The following OR5AN1 variants were observed in gnomAD, a reference collection of about 807,000 sequenced individuals.
OR5AN1 encodes the protein olfactory receptor 5AN1.
For synonymous variants in OR5AN1, 167 were observed against 131.8 expected (o/e 1.27, Z -1.83); for missense variants, 476 against 368.9 (o/e 1.29, Z -2.38).
chr11:59,361,898 A>G (rs899102769), intron 1 of OR5AN1, among the ~76,000 whole-genome samples: 1 of 152,132 alleles, frequency 6.6e-6, no homozygotes, highest in African/African-American at 2.4e-5. Context: ...GAATACAGAT[A>G]AGTATAAAGA....
chr11:59,364,908 C>T lies in OR5AN1; in HGVS notation c.450C>T (p.Tyr150=), dbSNP rs1267279762. ...GTGTTTGGATGGTACTGGGAGCCTA[C>T]ATGACTGGCCTCACTGCTTCTTTAT... is the stretch of plus-strand genomic sequence containing the variant. ...TLCVWMVLGA[Y]MTGLTASLFQ... Residue 150 remains tyrosine, a synonymous_variant, in exon 2 of 2, where the codon TAC becomes TAT. Transcript: ENST00000641998. 2 of 1,613,974 alleles carry T rather than the reference C, an allele frequency of 1.2e-6. No homozygotes were observed. Among genetic ancestry groups the T allele is most frequent in the African/African-American group, 2.7e-5 (2 of 74,940 alleles).
intron 1 of OR5AN1, among the ~76,000 whole-genome samples, chr11:59,364,047 G>A (rs1365757581): frequency 5.3e-5 from 8 of 152,166 alleles, no homozygotes; most frequent in Non-Finnish European, 1.2e-4. Flanking sequence ...ACAGGCATGA[G>A]CCACTACGCC....
rs1857500287 is a variant in OR5AN1 at position 59,364,504 on chromosome 11, C to T, written c.46C>T (p.Leu16=). The T allele has an allele frequency of 6.2e-7, 1 of 1,613,542 alleles. No homozygotes were observed. The change falls in exon 2 of 2, where the codon CTG becomes TTG. Residue 16 remains leucine (L), a synonymous_variant. Transcript: ENST00000641998. ...TACAGAAATCACCTATTTCATCCTGCTGGGATTCTCAGATTTTCCCAGGAT... is the reference window on the plus strand; with the variant it reads ...TACAGAAATCACCTATTTCATCCTGTTGGGATTCTCAGATTTTCCCAGGAT... ...NITEITYFIL[L]GFSDFPRIIK...
In OR5AN1 at chr11:59,365,678, A is replaced by T; in HGVS notation, c.*284A>T. The T allele has an allele frequency of 9.8e-6, 3 of 305,390 alleles. No individual in the cohort carries two copies. The highest frequency in any genetic ancestry group is 1.8e-5 in the Non-Finnish European group (3 of 166,528). The allele number at this position is 305,390 out of a possible 1,614,324, so 18.9% of individuals were successfully genotyped here. On this transcript the variant is annotated 3_prime_UTR_variant, in exon 2 of 2. Coordinates refer to ENST00000641998, the MANE Select transcript of OR5AN1 (RefSeq NM_001004729.2). ...TTTGTCCAAAATTATTTGTGAAACA[A>T]CAAGATTTAGAAATCTTTTGTTTCC...
At chr11:59,361,239 A>T (rs1252531130) in intron 1 of OR5AN1, among the ~76,000 whole-genome samples, 2 of 152,202 alleles carry the variant, frequency 1.3e-5, no homozygotes, top group African/African-American at 4.8e-5. Flanking sequence ...TTAAGAGAGA[A>T]GTGATGATGG....
At position 59,367,943 on chromosome 11, in the gene OR5AN1, T is replaced by G. The variant is rs963449835; in HGVS notation, c.*2549T>G. 7 of 152,400 alleles carry G rather than the reference T, an allele frequency of 4.6e-5. No homozygotes were observed. Among genetic ancestry groups the G allele is most frequent in the Non-Finnish European group, 7.3e-5 (5 of 68,100 alleles). 9.4% of individuals were successfully genotyped at this position (152,400 alleles called of 1,614,324 possible). On this transcript the variant is annotated 3_prime_UTR_variant, in exon 2 of 2. Coordinates refer to ENST00000641998, the MANE Select transcript of OR5AN1 (RefSeq NM_001004729.2). Reference sequence around the variant, plus strand: ...CAACTCCAGCCTTTGGGCTTTGAAGTATCTGAGACGACTGAGGACTGAAGT... The same window carrying G: ...CAACTCCAGCCTTTGGGCTTTGAAGGATCTGAGACGACTGAGGACTGAAGT...
chr11:59,363,182 T>C (rs1327256001), intron 1 of OR5AN1, among the ~76,000 whole-genome samples: 1 of 152,254 alleles, frequency 6.6e-6, no homozygotes, highest in African/African-American at 2.4e-5. Context: ...AGCCATTCTC[T>C]GTTGAACAAT....
Position 59,371,099 on chromosome 11 carries a change from A to G in OR5AN1, c.*5705A>G, listed in dbSNP as rs1857590283. On this transcript the variant is annotated 3_prime_UTR_variant, in exon 2 of 2. Transcript: ENST00000641998. Reference sequence around the variant, plus strand: ...TTCTTTTAAACAAAGGTAAGACTAGACTTTCTCTGAATATGCTATTTGGCA... The same window carrying G: ...TTCTTTTAAACAAAGGTAAGACTAGGCTTTCTCTGAATATGCTATTTGGCA... 2.0e-5 allele frequency: 3 copies of G among 149,090 alleles called. No homozygotes were observed. Among genetic ancestry groups the G allele is most frequent in the African/African-American group, 4.9e-5 (2 of 40,780 alleles). 9.2% of individuals were successfully genotyped at this position (149,090 alleles called of 1,614,324 possible).
In OR5AN1 at chr11:59,365,036, C is replaced by T. The variant is rs758373181; in HGVS notation, c.578C>T (p.Thr193Ile). The stretch of plus-strand genomic sequence containing the variant: ...CTGTTAATCTTGTCCTGTACTGACA[C>T]TTTCTTTGTACAGGTCATGACTGCT... ...PQLLILSCTD[T>I]FFVQVMTAIL... Residue 193 changes from threonine (T) to isoleucine (I), a missense_variant, in exon 2 of 2, where the codon ACT becomes ATT. By Grantham distance (89) the Thr-to-Ile change is moderately conservative. Transcript: ENST00000641998. 16 of 1,613,848 alleles carry T rather than the reference C, an allele frequency of 9.9e-6. No homozygotes were observed. Among genetic ancestry groups the T allele is most frequent in the African/African-American group, 4.0e-5 (3 of 74,936 alleles).
At position 59,364,629 on chromosome 11, in the gene OR5AN1, T is replaced by C. The variant is rs1349542255; in HGVS notation, c.171T>C (p.His57=). The C allele has an allele frequency of 2.5e-6, 4 of 1,613,986 alleles. No individual in the cohort carries two copies. Among genetic ancestry groups the C allele is most frequent in the Non-Finnish European group, 2.5e-6 (3 of 1,179,988 alleles). ...IVLIRMDSHL[H]TPMYFFLSNL... ...TAATAAGGATGGATTCCCACCTCCA[T>C]ACACCCATGTATTTCTTCCTCAGTA... Residue 57 remains histidine (H), a synonymous_variant, in exon 2 of 2, where the codon CAT becomes CAC. Transcript: ENST00000641998.
At chr11:59,359,462 T>C (rs1391701954) in intron 1 of OR5AN1, 190 bp downstream of exon 1, 1 of 152,194 alleles carries the variant, frequency 6.6e-6, no homozygotes, top group Non-Finnish European at 1.5e-5. Context: ...TTTCCTCAGA[T>C]CAAAACCTGC....
Position 59,369,252 on chromosome 11 carries a change from G to T in OR5AN1, c.*3858G>T, listed in dbSNP as rs1285179467. 1.3e-5 allele frequency: 2 copies of T among 151,528 alleles called. No homozygotes were observed. The highest frequency in any genetic ancestry group is 1.9e-4 in the East Asian group (1 of 5,180). 9.4% of individuals were successfully genotyped at this position (151,528 alleles called of 1,614,324 possible). On this transcript the variant is annotated 3_prime_UTR_variant, in exon 2 of 2. Transcript: ENST00000641998. ...ATGATCACACCAGTTCTCCAGCAAA[G>T]GTCCTTAACCAGGCCAAACTGGCTA...
Position 59,365,369 on chromosome 11 carries a change from G to C in OR5AN1, c.911G>C (p.Arg304Thr), listed in dbSNP as rs1357608402. The C allele has an allele frequency of 1.3e-6, 2 of 1,597,262 alleles. No homozygotes were observed. Among genetic ancestry groups the C allele is most frequent in the Admixed American group, 3.5e-5 (2 of 56,798 alleles). ...AAAGAAATTAAAGATGCCTTAAAGA[G>C]GTTGCAAAAGAGAAAGTGCTGCTGA... ...RNKEIKDALK[R>T]LQKRKCC The change falls in exon 2 of 2, where the codon AGG (arginine) becomes ACG (threonine). Residue 304 changes from arginine (R) to threonine (T), a missense_variant. By Grantham distance (71) the Arg-to-Thr change is moderately conservative. Coordinates refer to ENST00000641998, the MANE Select transcript of OR5AN1 (RefSeq NM_001004729.2).
chr11:59,367,474 T>C lies in OR5AN1; in HGVS notation c.*2080T>C, dbSNP rs923292521. The stretch of plus-strand genomic sequence containing the variant: ...ATATAACCCTAGGAAAGAGGCTGAA[T>C]CCAGGGGTGTTAACAGCAACAACCC... On this transcript the variant is annotated 3_prime_UTR_variant, in exon 2 of 2. Coordinates refer to ENST00000641998, the MANE Select transcript of OR5AN1 (RefSeq NM_001004729.2). 6.6e-6 allele frequency: 1 copy of C among 152,160 alleles called. No individual in the cohort carries two copies. 9.4% of individuals were successfully genotyped at this position (152,160 alleles called of 1,614,324 possible).
intron 1 of OR5AN1, among the ~76,000 whole-genome samples, chr11:59,360,764 C>T (rs1857454214): frequency 6.6e-6 from 1 of 152,172 alleles, no homozygotes; most frequent in South Asian, 2.1e-4. Context: ...CCAGCTCCAT[C>T]CATGTCCCTG....
rs1857553142 is a variant in OR5AN1, at chr11:59,367,972, C to A, written c.*2578C>A. ...TGAGACGACTGAGGACTGAAGTAGA[C>A]CCCCAACACAGCACAGCTGTTCTAC... On this transcript the variant is annotated 3_prime_UTR_variant, in exon 2 of 2. Coordinates refer to ENST00000641998, the MANE Select transcript of OR5AN1 (RefSeq NM_001004729.2). The A allele has an allele frequency of 6.6e-6, 1 of 152,310 alleles. No homozygotes were observed. Among genetic ancestry groups the A allele is most frequent in the Admixed American group, 6.5e-5 (1 of 15,284 alleles). 9.4% of individuals were successfully genotyped at this position (152,310 alleles called of 1,614,324 possible).
chr11:59,367,115 A>T lies in OR5AN1; in HGVS notation c.*1721A>T, dbSNP rs1453181186. 1 of 152,262 alleles carries T rather than the reference A, an allele frequency of 6.6e-6. No individual in the cohort carries two copies. The highest frequency in any genetic ancestry group is 1.5e-5 in the Non-Finnish European group (1 of 68,050). 9.4% of individuals were successfully genotyped at this position (152,262 alleles called of 1,614,324 possible). A position where few individuals can be genotyped will look rare whatever the true frequency, so the allele number is the denominator to read the frequency against. On this transcript the variant is annotated 3_prime_UTR_variant, in exon 2 of 2. Coordinates refer to ENST00000641998, the MANE Select transcript of OR5AN1 (RefSeq NM_001004729.2). ...AGTAACAAAGCTGTGAATCAGAAAA[A>T]AATTGAAAAAAGAATGCCAATTCAA... is the stretch of plus-strand genomic sequence containing the variant.
In OR5AN1 at chr11:59,371,152, T is replaced by C. The variant is rs1437790957; in HGVS notation, c.*5758T>C. 1 of 152,070 alleles carries C rather than the reference T, an allele frequency of 6.6e-6. No individual in the cohort carries two copies. Among genetic ancestry groups the C allele is most frequent in the Admixed American group, 6.5e-5 (1 of 15,268 alleles). The allele number at this position is 152,070 out of a possible 1,614,324, so 9.4% of individuals were successfully genotyped here. A position where few individuals can be genotyped will look rare whatever the true frequency, so the allele number is the denominator to read the frequency against. ...TTGGTTTTTTTTTTTCCACTAAAGA[T>C]AGCCTTCCAGGTCAGCACATAAAGA... On this transcript the variant is annotated 3_prime_UTR_variant, in exon 2 of 2. Coordinates refer to ENST00000641998, the MANE Select transcript of OR5AN1 (RefSeq NM_001004729.2).
chr11:59,365,775 C>T lies in OR5AN1; in HGVS notation c.*381C>T, dbSNP rs536003607. ...TACAGAAATGAGGCCTGGCACAGAC[C>T]CCCAGGAGTTCAGAAACATCATCTC... is the stretch of plus-strand genomic sequence containing the variant. On this transcript the variant is annotated 3_prime_UTR_variant, in exon 2 of 2. Transcript: ENST00000641998. The T allele has an allele frequency of 2.9e-5, 5 of 173,096 alleles. No homozygotes were observed. The highest frequency in any genetic ancestry group is 6.1e-5 in the Non-Finnish European group (5 of 82,368). The allele number at this position is 173,096 out of a possible 1,614,324, so 10.7% of individuals were successfully genotyped here. A position where few individuals can be genotyped will look rare whatever the true frequency, so the allele number is the denominator to read the frequency against.
Sources: gnomAD v4.1 joint callset for allele counts (sites outside exome capture counted in the v4.1 genomes callset) on GRCh38, gnomAD v4.1.1 for gene constraint, MANE v1.5 for transcripts, NCBI Gene and HGNC (gene_info 2026-07-23, HGNC 2026-07-21) for gene names.